C2orf76: variants seen among roughly 807,000 people sequenced by gnomAD.
C2orf76 encodes chromosome 2 open reading frame 76, also known as UPF0538 protein C2orf76.
Under a neutral mutation model 16.9 loss-of-function variants are expected in C2orf76, and 23 were observed. The observed-to-expected ratio is 1.36, with a 90% CI of 0.98 to 1.93. C2orf76 has a LOEUF of 1.93. C2orf76 is among the 30% of genes most tolerant of loss of function. The pLI, the probability that C2orf76 is intolerant of heterozygous loss-of-function variation, is 0.00. For missense variants in C2orf76, 152 were observed against 152.6 expected, an observed-to-expected ratio of 1.00 and a Z score of 0.02; for synonymous variants, 48 against 52.3, an observed-to-expected ratio of 0.92 and a Z score of 0.35.
At chr2:119,358,196 A>AT (rs1382058464) in intron 1 of C2orf76, among the ~76,000 whole-genome samples, 1 of 152,258 alleles carries the variant, frequency 6.6e-6, no homozygotes, top group Non-Finnish European at 1.5e-5. Context: ...GATAGGTTGA[A>AT]TGCTAGGCCC....
the C2orf76 span, among the ~76,000 whole-genome samples, chr2:119,289,129 G>A: frequency 1.8e-4 from 27 of 152,162 alleles, no homozygotes; most frequent in African/African-American, 6.3e-4. Flanking sequence ...TTGACTTGGA[G>A]CCCGAGGAAG....
At chr2:119,350,540 G>A (rs1249476677) in intron 1 of C2orf76, among the ~76,000 whole-genome samples, 4 of 152,168 alleles carry the variant, frequency 2.6e-5, no homozygotes, top group South Asian at 2.1e-4. Context: ...CATAGGAACT[G>A]CCTTGCATGG....
rs551303723 is a variant in C2orf76, at chr2:119,302,551, G to GA, written c.305-4dup. 2.5e-4 allele frequency: 374 copies of GA among 1,472,050 alleles called. No homozygotes were observed. Among genetic ancestry groups the GA allele is most frequent in the Middle Eastern group, 5.4e-4 (3 of 5,602 alleles). The allele number at this position is 1,472,050 out of a possible 1,614,324, so 91.2% of individuals were successfully genotyped here. A position where few individuals can be genotyped will look rare whatever the true frequency, so the allele number is the denominator to read the frequency against. On this transcript the variant is annotated splice_polypyrimidine_tract_variant and splice_region_variant and intron_variant, in intron 5 of 5. Transcript: ENST00000334816. ...GAATGCAATTTCAGTTTCACTGGCT[G>GA]AAAAAAAACAGAAAATGGAAAAAAA...
chr2:119,294,492 C>T, the C2orf76 span, among the ~76,000 whole-genome samples: 5,859 of 152,060 alleles, frequency 0.039, 359 homozygotes, highest in African/African-American at 0.13. Context: ...GGGAGGACAA[C>T]GCTGAAGTGT....
At chr2:119,303,082 C>T (rs568942603) in intron 5 of C2orf76, among the ~76,000 whole-genome samples, 1 of 152,172 alleles carries the variant, frequency 6.6e-6, no homozygotes, top group South Asian at 2.1e-4. Flanking sequence ...AATTTTTTGC[C>T]CTGCTTATGA....
the C2orf76 span, among the ~76,000 whole-genome samples, chr2:119,282,194 G>A: frequency 5.9e-5 from 9 of 151,978 alleles, no homozygotes; most frequent in African/African-American, 9.7e-5. Context: ...GAGGTGTCCC[G>A]AGAAGCCCAC....
At chr2:119,296,135 G>T in the C2orf76 span, among the ~76,000 whole-genome samples, 2 of 152,150 alleles carry the variant, frequency 1.3e-5, no homozygotes, top group African/African-American at 4.8e-5. Context: ...TCCTATAAAT[G>T]CTAGAAGTGC....
At chr2:119,310,556 A>T (rs1451278502) in intron 5 of C2orf76, among the ~76,000 whole-genome samples, 1 of 152,240 alleles carries the variant, frequency 6.6e-6, no homozygotes, top group Non-Finnish European at 1.5e-5. Context: ...TTGTCAAAAA[A>T]AAAATTCAGG....
At chr2:119,306,308 G>T (rs1397004727) in intron 5 of C2orf76, among the ~76,000 whole-genome samples, 1 of 152,138 alleles carries the variant, frequency 6.6e-6, no homozygotes, top group Non-Finnish European at 1.5e-5. Flanking sequence ...AATATTAGCT[G>T]TACAGACAAG....
chr2:119,347,795 T>A (rs1416825455), intron 1 of C2orf76, among the ~76,000 whole-genome samples: 1 of 152,078 alleles, frequency 6.6e-6, no homozygotes, highest in African/African-American at 2.4e-5. Flanking sequence ...ACATGTAGAT[T>A]TGGGAAATAA....
chr2:119,357,987 A>G (rs180936911), intron 1 of C2orf76, among the ~76,000 whole-genome samples: 1 of 152,338 alleles, frequency 6.6e-6, no homozygotes, highest in East Asian at 1.9e-4. Flanking sequence ...ACAAAATACA[A>G]TAACATTCAC....
chr2:119,295,638 GT>G, the C2orf76 span, among the ~76,000 whole-genome samples: 1 of 152,112 alleles, frequency 6.6e-6, no homozygotes, highest in Non-Finnish European at 1.5e-5. Context: ...ATGGACGACA[GT>G]TTTTTTCCTG....
intron 2 of C2orf76, among the ~76,000 whole-genome samples, chr2:119,330,158 G>C (rs1210518090): frequency 6.6e-6 from 1 of 152,134 alleles, no homozygotes; most frequent in Non-Finnish European, 1.5e-5. Flanking sequence ...CAGACCACTT[G>C]AGGTCAGGAT....
chr2:119,302,530 G>T lies in C2orf76; in HGVS notation c.323C>A (p.Ala108Glu). The T allele has an allele frequency of 1.3e-6, 2 of 1,495,694 alleles. No homozygotes were observed. The highest frequency in any genetic ancestry group is 1.8e-6 in the Non-Finnish European group (2 of 1,106,270). 92.7% of individuals were successfully genotyped at this position (1,495,694 alleles called of 1,614,324 possible). A position where few individuals can be genotyped will look rare whatever the true frequency, so the allele number is the denominator to read the frequency against. Reference sequence around the variant, plus strand: ...CTTATAATCTTCTTCACAGAAGAATGCAATTTCAGTTTCACTGGCTGAAAA... The same window carrying T: ...CTTATAATCTTCTTCACAGAAGAATTCAATTTCAGTTTCACTGGCTGAAAA... ...AAGIASETEIAFFCEEDYKNY... is the reference protein window; with the variant it reads ...AAGIASETEIEFFCEEDYKNY... Residue 108 changes from alanine (A) to glutamate (E), a missense_variant, in exon 6 of 6, where the codon GCA becomes GAA. Transcript: ENST00000334816.
chr2:119,361,015 G>C lies in C2orf76; in HGVS notation c.-13+5775C>G, dbSNP rs77272237. On this transcript the variant is annotated intron_variant, in intron 1 of 5. Transcript: ENST00000334816. The stretch of plus-strand genomic sequence containing the variant: ...TGGTTGTGGCCACAAGGCAGTATTA[G>C]GAATCTTTGATGATGGAAATATTGT... Among the ~76,000 whole-genome samples the C allele has an allele frequency of 4.1e-3, 618 of 152,328 alleles. 4 individuals carry two copies. The highest frequency in any genetic ancestry group is 0.011 in the African/African-American group (469 of 41,556).
At chr2:119,337,441 C>T (rs1307489182) in intron 2 of C2orf76, among the ~76,000 whole-genome samples, 1 of 152,100 alleles carries the variant, frequency 6.6e-6, no homozygotes, top group East Asian at 1.9e-4. Context: ...TAGAGGGATG[C>T]TGTGAGGATG....
chr2:119,296,806 G>A, the C2orf76 span, among the ~76,000 whole-genome samples: 1 of 152,192 alleles, frequency 6.6e-6, no homozygotes, highest in African/African-American at 2.4e-5. Context: ...CTCTTCAAAG[G>A]AGAATAGAAA....
intron 2 of C2orf76, among the ~76,000 whole-genome samples, chr2:119,338,084 A>C (rs1445332412): frequency 6.6e-6 from 1 of 152,232 alleles, no homozygotes; most frequent in Non-Finnish European, 1.5e-5. Context: ...AACTCTGACT[A>C]TGCTTTGGGT....
the C2orf76 span, among the ~76,000 whole-genome samples, chr2:119,296,711 C>T: frequency 4.6e-5 from 7 of 152,310 alleles, no homozygotes; most frequent in East Asian, 7.7e-4. Flanking sequence ...CCGTTTGCTA[C>T]GGCAAAGAAG....
Sources: gnomAD v4.1 joint callset for allele counts (sites outside exome capture counted in the v4.1 genomes callset) on GRCh38, gnomAD v4.1.1 for gene constraint, MANE v1.5 for transcripts, NCBI Gene and HGNC (gene_info 2026-07-23, HGNC 2026-07-21) for gene names.